Variants in PPP1R16A observed in about 807,000 individuals in gnomAD.
PPP1R16A encodes the protein myosin phosphatase-targeting subunit 3.
A neutral mutation model predicts 46.6 loss-of-function variants in PPP1R16A; 39 were observed. That is an observed-to-expected ratio of 0.84 (90% CI 0.65 to 1.09). The LOEUF (loss-of-function observed/expected upper bound fraction) is 1.09, where lower values mean the gene tolerates loss of function less well. Ranked by LOEUF, PPP1R16A falls within the 50% of genes least tolerant of loss-of-function variation. The pLI is 0.00. For missense variants in PPP1R16A, 798 were observed against 735.6 expected, an observed-to-expected ratio of 1.08 and a Z score of -0.98; for synonymous variants, 413 against 321.5, an observed-to-expected ratio of 1.28 and a Z score of -3.04.
chr8:144,485,002 C>T (rs1373271145), intron 1 of PPP1R16A, among the ~76,000 whole-genome samples: 3 of 152,050 alleles, frequency 2.0e-5, no homozygotes, highest in East Asian at 1.9e-4. Context: ...GCGTGGCTCA[C>T]GCCTGTCATC....
chr8:144,501,262 A>T lies in PPP1R16A; in HGVS notation c.1171A>T (p.Thr391Ser). Residue 391 changes from threonine (T) to serine (S), a missense_variant, in exon 11 of 12, where the codon ACA (threonine) becomes TCA (serine). Thr to Ser is a moderately conservative substitution (Grantham distance 58, BLOSUM62 1). Transcript: ENST00000435887. The stretch of plus-strand genomic sequence containing the variant: ...GCCCGAGGACAACGATGACCGCCAG[A>T]CAGGCGCAGAGCTCAGGCCGCCGCC... ...EPPEDNDDRQ[T>S]GAELRPPPPE... 6.2e-7 allele frequency: 1 copy of T among 1,601,122 alleles called. No individual in the cohort carries two copies. The highest frequency in any genetic ancestry group is 8.5e-7 in the Non-Finnish European group (1 of 1,177,776).
At chr8:144,499,250 C>A (rs1220917189) in intron 5 of PPP1R16A, 189 bp downstream of exon 5, 2 of 755,068 alleles carry the variant, frequency 2.6e-6, no homozygotes, top group Non-Finnish European at 4.1e-6. Flanking sequence ...GTGCCCAGGG[C>A]AGCGCGGTCC....
rs1266294304 is a variant in PPP1R16A, at chr8:144,500,448, G to A, written c.706-39G>A. 4.5e-6 allele frequency: 7 copies of A among 1,544,570 alleles called. No homozygotes were observed. In the Admixed American group the frequency reaches 1.3e-4, roughly 29 times the overall value. ...CTGGGGGCCTCGCTACTTGGAGGTGGGGGATGGGGCCGAATTCAGGCCGGG... is the reference window on the plus strand; with the variant it reads ...CTGGGGGCCTCGCTACTTGGAGGTGAGGGATGGGGCCGAATTCAGGCCGGG... On this transcript the variant is annotated intron_variant, in intron 7 of 11. Coordinates refer to ENST00000435887, the MANE Select transcript of PPP1R16A (RefSeq NM_001329443.2).
In PPP1R16A at chr8:144,488,652, G is replaced by A. The variant is rs114318173; in HGVS notation, c.-913-1382G>A. Among the ~76,000 whole-genome samples the A allele has an allele frequency of 4.3e-3, 659 of 152,258 alleles. 4 individuals are homozygous for A. Among genetic ancestry groups the A allele is most frequent in the African/African-American group, 0.015 (633 of 41,544 alleles). ...GCAGTCCACAAAGGTTTGTCCACAA[G>A]AACATTAGACCACCAGGAATTTGGG... On this transcript the variant is annotated intron_variant, in intron 1 of 11. Coordinates refer to ENST00000435887, the MANE Select transcript of PPP1R16A (RefSeq NM_001329443.2).
At chr8:144,479,943 G>A (rs1157386281) in intron 1 of PPP1R16A, among the ~76,000 whole-genome samples, 21 of 152,240 alleles carry the variant, frequency 1.4e-4, no homozygotes, top group Admixed American at 1.4e-3. Flanking sequence ...CTGTTCACTT[G>A]TTCAGCTCAC....
At chr8:144,492,726 G>A (rs1032112934) in intron 2 of PPP1R16A, among the ~76,000 whole-genome samples, 10 of 152,092 alleles carry the variant, frequency 6.6e-5, no homozygotes, top group Admixed American at 5.2e-4. Flanking sequence ...CCGGCCTTTC[G>A]CTCCGCCTGT....
intron 1 of PPP1R16A, among the ~76,000 whole-genome samples, chr8:144,488,998 G>A: frequency 6.6e-6 from 1 of 151,444 alleles, no homozygotes; most frequent in Non-Finnish European, 1.5e-5. Flanking sequence ...GAGGTCAGGA[G>A]TTCAAGACCA....
Position 144,501,963 on chromosome 8 carries a change from G to A in PPP1R16A, c.*60G>A. On this transcript the variant is annotated 3_prime_UTR_variant, in exon 12 of 12. Transcript: ENST00000435887. ...GCACAGCCCAAGGCTGCCTCCCCAC[G>A]GTGCGTGCCCTGGTGCTGCGGGTGC... 5 of 1,449,116 alleles carry A rather than the reference G, an allele frequency of 3.5e-6. No individual in the cohort carries two copies. The highest frequency in any genetic ancestry group is 1.4e-5 in the South Asian group (1 of 70,934). The allele number at this position is 1,449,116 out of a possible 1,614,324, so 89.8% of individuals were successfully genotyped here.
chr8:144,497,897 C>G, intron 3 of PPP1R16A: 1 of 373,466 alleles, frequency 2.7e-6, no homozygotes. Context: ...AGAGCCAGGC[C>G]CTGGGCAGGC....
At chr8:144,494,519 G>T (rs1259196498) in intron 2 of PPP1R16A, among the ~76,000 whole-genome samples, 2 of 152,092 alleles carry the variant, frequency 1.3e-5, no homozygotes, top group African/African-American at 2.4e-5. Context: ...TGCTGCCCAG[G>T]CTGGCCTTGA....
intron 1 of PPP1R16A, among the ~76,000 whole-genome samples, chr8:144,488,680 A>G (rs142633729): frequency 6.9e-4 from 105 of 152,290 alleles, no homozygotes; most frequent in Non-Finnish European, 1.2e-3. Context: ...AATTTGGGCA[A>G]CGATGGGCGG....
chr8:144,483,552 G>C (rs1277767221), intron 1 of PPP1R16A, among the ~76,000 whole-genome samples: 1 of 152,126 alleles, frequency 6.6e-6, no homozygotes, highest in Non-Finnish European at 1.5e-5. Flanking sequence ...TGAGACTACA[G>C]GTGCATGCCG....
At chr8:144,498,664 C>A in intron 3 of PPP1R16A, 106 bp from the exon 4 acceptor site, 1 of 1,142,852 alleles carries the variant, frequency 8.8e-7, no homozygotes, top group Non-Finnish European at 1.2e-6. Context: ...CTCCTGCCAT[C>A]GGCACCACTG....
chr8:144,489,971 CT>C (rs2130309807), intron 1 of PPP1R16A, 62 bp from the exon 2 acceptor site: 1 of 152,470 alleles, frequency 6.6e-6, no homozygotes, highest in South Asian at 2.1e-4. Context: ...CTGTGCCTGC[CT>C]TGCCAGCATC....
chr8:144,488,344 G>A (rs374964027), intron 1 of PPP1R16A, among the ~76,000 whole-genome samples: 2 of 152,198 alleles, frequency 1.3e-5, no homozygotes, highest in South Asian at 2.1e-4. Context: ...TTCTGCAAGC[G>A]TCAGAGCCCT....
chr8:144,500,275 C>T lies in PPP1R16A; in HGVS notation c.589C>T (p.Gln197Ter). Residue 197 changes from glutamine (Q) to a stop codon, truncating the protein, a stop_gained, in exon 7 of 12, where the codon CAG (glutamine) becomes TAG (stop). Transcript: ENST00000435887. LOFTEE classifies it high-confidence loss of function. ...ETAMADRGIT[Q>*]DSIEAARAVP... ...AGCCTGCCGCCTCGCAGGCATCACC[C>T]AGGACAGCATCGAGGCCGCCCGGGC... 6.4e-7 allele frequency: 1 copy of T among 1,555,692 alleles called. No individual in the cohort carries two copies. The highest frequency in any genetic ancestry group is 8.7e-7 in the Non-Finnish European group (1 of 1,151,248).
In PPP1R16A at chr8:144,501,588, C is replaced by T. The variant is rs781665876; in HGVS notation, c.1272C>T (p.Tyr424=). The T allele has an allele frequency of 1.9e-6, 3 of 1,604,806 alleles. No individual in the cohort carries two copies. Among genetic ancestry groups the T allele is most frequent in the Admixed American group, 1.7e-5 (1 of 59,118 alleles). Reference sequence around the variant, plus strand: ...GGGGCTCCCCAGTGCGGCATCTATACTCCAAGCGACTAGACCGGAGTGTCT... The same window carrying T: ...GGGGCTCCCCAGTGCGGCATCTATATTCCAAGCGACTAGACCGGAGTGTCT... ...RVGGSPVRHL[Y]SKRLDRSVSY... Residue 424 remains tyrosine (Y), a synonymous_variant, in exon 12 of 12, where the codon TAC becomes TAT. Transcript: ENST00000435887.
chr8:144,500,935 T>C lies in PPP1R16A; in HGVS notation c.1001T>C (p.Leu334Ser). The change falls in exon 10 of 12, where the codon TTG becomes TCG. Residue 334 changes from leucine (L) to serine (S), a missense_variant. Coordinates refer to ENST00000435887, the MANE Select transcript of PPP1R16A (RefSeq NM_001329443.2). ...LLRAQSRQRS[L>S]LRRRTSSAGS... ...CGCGCCCAGAGCCGCCAGCGCTCCT[T>C]GCTGCGCCGCCGCACCTCCAGCGCC... The C allele has an allele frequency of 1.3e-6, 2 of 1,508,702 alleles. 1 individual carries two copies. The allele number at this position is 1,508,702 out of a possible 1,614,324, so 93.5% of individuals were successfully genotyped here. A position where few individuals can be genotyped will look rare whatever the true frequency, so the allele number is the denominator to read the frequency against.
intron 2 of PPP1R16A, 98 bp from the exon 3 acceptor site, chr8:144,496,363 T>A (rs1826067140): frequency 6.6e-6 from 1 of 152,584 alleles, no homozygotes. Context: ...CTGAGACAGC[T>A]GGAAGCCTGG....
Sources: allele counts gnomAD v4.1 joint callset (sites outside exome capture counted in the v4.1 genomes callset), GRCh38; gene constraint gnomAD v4.1.1; transcripts MANE v1.5; gene names NCBI Gene and HGNC (gene_info 2026-07-23, HGNC 2026-07-21).